The following UNC79 variants were observed in gnomAD, a reference collection of about 807,000 sequenced individuals.
The protein encoded by UNC79 is unc-79 subunit of NALCN channel complex.
UNC79 carries 37 observed loss-of-function variants against 283.1 expected under a neutral mutation model. The ratio of observed to expected loss-of-function variants is 0.13; its 90% CI spans 0.10 to 0.17. The LOEUF is 0.17. Among genes scored for constraint, UNC79 ranks in the 10% least tolerant of loss-of-function variants. The pLI, the probability that UNC79 is intolerant of heterozygous loss-of-function variation, is 1.00. For synonymous variants in UNC79, 1,107 were observed against 1,200.2 expected, an observed-to-expected ratio of 0.92 and a Z score of 1.61; for missense variants, 2,272 against 3,211.1, an observed-to-expected ratio of 0.71 and a Z score of 7.07.
intron 9 of UNC79, 35 bp downstream of exon 9, chr14:93,528,681 GACA>G (rs1175464853): frequency 6.3e-7 from 1 of 1,585,122 alleles, no homozygotes. Flanking sequence ...AAGGAAATAG[GACA>G]ACAATAAGAA....
intron 42 of UNC79, 76 bp from the exon 46 acceptor site, chr14:93,686,496 G>A (rs1438177571): frequency 1.5e-5 from 22 of 1,499,328 alleles, no homozygotes; most frequent in Middle Eastern, 1.7e-4. Flanking sequence ...AGTAAACAAC[G>A]TGAAACCAGA....
chr14:93,689,886 C>G (rs2074554842), intron 44 of UNC79: 2 of 545,008 alleles, frequency 3.7e-6, no homozygotes, highest in Non-Finnish European at 6.5e-6. Flanking sequence ...GCTGTGTAAT[C>G]CTGTGTCACC....
At position 93,430,658 on chromosome 14, in the gene UNC79, A is replaced by G. The variant is rs766401795; in HGVS notation, c.-372A>G. The G allele has an allele frequency of 3.3e-5, 6 of 182,094 alleles. No homozygotes were observed. Among genetic ancestry groups the G allele is most frequent in the Non-Finnish European group, 7.0e-5 (6 of 85,354 alleles). The allele number at this position is 182,094 out of a possible 1,614,324, so 11.3% of individuals were successfully genotyped here. ...AACACCCGTCCCCTCCGTGCGCCTT[A>G]TGAATGGAAATACTCCTCCCCCGGT... On this transcript the variant is annotated 5_prime_UTR_variant, in exon 1 of 49. Coordinates refer to ENST00000555664, the Ensembl canonical transcript of UNC79. This position sits in a 1 kb window ranked among gnomAD's most constrained non-coding sequence, Gnocchi z 4.6.
chr14:93,537,630 GTT>G (rs906844402), intron 11 of UNC79, among the ~76,000 whole-genome samples: 2 of 152,102 alleles, frequency 1.3e-5, no homozygotes, highest in Admixed American at 6.5e-5. Flanking sequence ...CCATGGTTCT[GTT>G]TTTTTCTTTA....
chr14:93,410,961 A>G (rs1487624744), intron 1 of UNC79, among the ~76,000 whole-genome samples: 1 of 151,650 alleles, frequency 6.6e-6, no homozygotes, highest in Non-Finnish European at 1.5e-5. Flanking sequence ...CTTGCTCCAT[A>G]TGTACCAGCT....
chr14:93,358,092 G>T (rs190683445), intron 1 of UNC79, among the ~76,000 whole-genome samples: 3 of 151,432 alleles, frequency 2.0e-5, no homozygotes, highest in Non-Finnish European at 4.4e-5. Flanking sequence ...TCTTTCACTG[G>T]TTTTAGGGTT....
chr14:93,493,966 C>T (rs2058890044), intron 5 of UNC79, among the ~76,000 whole-genome samples: 1 of 137,814 alleles, frequency 7.3e-6, no homozygotes, highest in Non-Finnish European at 1.5e-5. Context: ...TGCAGTGGCA[C>T]AATCTCAGCT....
intron 1 of UNC79, among the ~76,000 whole-genome samples, chr14:93,450,032 C>T (rs763111045): frequency 1.3e-5 from 2 of 152,162 alleles, no homozygotes; most frequent in Admixed American, 6.5e-5. Flanking sequence ...AATTCAACTT[C>T]CTTGAGAGCT....
At chr14:93,416,958 G>T (rs2055474954) in intron 1 of UNC79, among the ~76,000 whole-genome samples, 1 of 152,148 alleles carries the variant, frequency 6.6e-6, no homozygotes. Context: ...ACACTGATGG[G>T]TCTTGACCCT....
At chr14:93,603,337 C>T (rs1472071617) in exon 26 of UNC79, 7 of 1,614,020 alleles carry the variant, frequency 4.3e-6, no homozygotes, top group Admixed American at 1.7e-5. Context: ...GAAGAGTGTA[C>T]GTTCCCTGAG....
chr14:93,535,483 A>G (rs2061024828), intron 11 of UNC79, among the ~76,000 whole-genome samples: 1 of 152,228 alleles, frequency 6.6e-6, no homozygotes, highest in Non-Finnish European at 1.5e-5. Flanking sequence ...TAAAACAGCA[A>G]CATTTAGTTA....
chr14:93,427,987 CTT>C (rs1163750943), upstream of UNC79, among the ~76,000 whole-genome samples: 1 of 151,804 alleles, frequency 6.6e-6, no homozygotes, highest in African/African-American at 2.4e-5. Flanking sequence ...TTGGAGAAGA[CTT>C]TGAAGAGCAT....
intron 1 of UNC79, among the ~76,000 whole-genome samples, chr14:93,357,676 C>T (rs867892916): frequency 3.4e-4 from 11 of 32,346 alleles, no homozygotes; most frequent in South Asian, 1.3e-3. Flanking sequence ...AATAAACTCC[C>T]ATATATATAT....
chr14:93,596,022 G>A (rs1485724606), intron 23 of UNC79, among the ~76,000 whole-genome samples: 1 of 152,196 alleles, frequency 6.6e-6, no homozygotes, highest in African/African-American at 2.4e-5. Flanking sequence ...AGAAAGAAGT[G>A]TAAGAGCAGA....
intron 33 of UNC79, among the ~76,000 whole-genome samples, chr14:93,642,275 A>G (rs1454654701): frequency 6.6e-6 from 1 of 151,962 alleles, no homozygotes; most frequent in Non-Finnish European, 1.5e-5. Flanking sequence ...ATACAAAAAA[A>G]TTAGCTGGGC....
chr14:93,566,741 G>A (rs1315244562), intron 14 of UNC79, among the ~76,000 whole-genome samples: 1 of 150,756 alleles, frequency 6.6e-6, no homozygotes, highest in African/African-American at 2.4e-5. Context: ...GGGTTCAAGC[G>A]ATTCTCCTGC....
chr14:93,484,991 G>T lies in UNC79; in HGVS notation c.620-2672G>T, dbSNP rs2058338016. On this transcript the variant is annotated intron_variant, in intron 4 of 48. Transcript: ENST00000555664. ...GCCATTTGGGCCATTCTGCAAATAG[G>T]CTTCGCCTAAATCATCTGAGACATG... 2.6e-5 allele frequency among the ~76,000 whole-genome samples: 4 copies of T among 152,202 alleles called. No individual in the cohort carries two copies. In the South Asian group the frequency reaches 8.3e-4, roughly 32 times the overall value.
intron 1 of UNC79, among the ~76,000 whole-genome samples, chr14:93,334,067 G>T (rs776405668): frequency 3.2e-4 from 49 of 152,216 alleles, no homozygotes; most frequent in Middle Eastern, 6.8e-3. Context: ...ACAGTTTTTT[G>T]TTGTTGTTGT....
intron 1 of UNC79, among the ~76,000 whole-genome samples, chr14:93,352,776 G>T (rs971373227): frequency 1.3e-5 from 2 of 152,106 alleles, no homozygotes; most frequent in Non-Finnish European, 2.9e-5. Context: ...ATATACAGAT[G>T]CTCTTGGACT....
Sources: gnomAD v4.1 joint callset for allele counts (sites outside exome capture counted in the v4.1 genomes callset) on GRCh38, gnomAD v4.1.1 for gene constraint, Gnocchi (gnomAD v3.1) non-coding constraint, MANE v1.5 for transcripts, NCBI Gene and HGNC (gene_info 2026-07-23, HGNC 2026-07-21) for gene names.